Variants in BCAS3 observed in about 807,000 individuals in gnomAD.
BCAS3 encodes BCAS3 microtubule associated cell migration factor, also known as BCAS4/BCAS3 fusion.
BCAS3 carries 53 observed loss-of-function variants against 116.1 expected under a neutral mutation model. That is an observed-to-expected ratio of 0.46 (90% CI 0.37 to 0.57). BCAS3 has a LOEUF of 0.57. Ranked by LOEUF, BCAS3 falls within the 20% of genes least tolerant of loss-of-function variation. The pLI, the probability that BCAS3 is intolerant of heterozygous loss-of-function variation, is 0.00. For missense variants in BCAS3, 917 were observed against 1,165.4 expected, an observed-to-expected ratio of 0.79 and a Z score of 3.10; for synonymous variants, 391 against 408.2, an observed-to-expected ratio of 0.96 and a Z score of 0.51.
intron 22 of BCAS3, among the ~76,000 whole-genome samples, chr17:61,206,925 G>GT (rs537375467): frequency 0.064 from 9,185 of 143,318 alleles, 520 homozygotes; most frequent in African/African-American, 0.15. Context: ...GGTTTTTGGT[G>GT]TTTTTTTTTT....
At chr17:60,929,284 G>T (rs1292529057) in intron 13 of BCAS3, among the ~76,000 whole-genome samples, 1 of 152,062 alleles carries the variant, frequency 6.6e-6, no homozygotes, top group African/African-American at 2.4e-5. Flanking sequence ...AATTACCTGG[G>T]CGTGGTGGCA....
At chr17:60,740,591 G>A (rs943353372) in intron 5 of BCAS3, among the ~76,000 whole-genome samples, 28 of 152,216 alleles carry the variant, frequency 1.8e-4, no homozygotes, top group African/African-American at 5.8e-4. Flanking sequence ...GTAATTGAGT[G>A]GCGGTGTGTG....
chr17:60,697,417 A>C (rs1159673930), intron 4 of BCAS3, among the ~76,000 whole-genome samples: 1 of 151,312 alleles, frequency 6.6e-6, no homozygotes, highest in East Asian at 1.9e-4. Context: ...AAAATAAATA[A>C]ATAAATAACT....
chr17:61,154,115 A>G (rs1448670056), intron 22 of BCAS3, among the ~76,000 whole-genome samples: 2 of 152,124 alleles, frequency 1.3e-5, no homozygotes, highest in African/African-American at 2.4e-5. Flanking sequence ...TTTCCTTTAG[A>G]TATTTGTCGC....
Position 61,161,906 on chromosome 17 carries a change from A to T in BCAS3, c.2425+77342A>T, listed in dbSNP as rs912894536. Among the ~76,000 whole-genome samples, 1 of 152,188 alleles carries T rather than the reference A, an allele frequency of 6.6e-6. No homozygotes were observed. The highest frequency in any genetic ancestry group is 2.4e-5 in the African/African-American group (1 of 41,428). On this transcript the variant is annotated intron_variant, in intron 22 of 23. Transcript: ENST00000407086. The surrounding 1 kb of genome is among the most constrained non-coding windows in gnomAD (Gnocchi z 4.8). ...AGATGAGCAGCACGGATTTGCTGCGATGGTCAGAATTCAATTATATTACTC... is the reference window on the plus strand; with the variant it reads ...AGATGAGCAGCACGGATTTGCTGCGTTGGTCAGAATTCAATTATATTACTC...
At chr17:60,694,177 C>T (rs904795193) in intron 4 of BCAS3, among the ~76,000 whole-genome samples, 166 of 149,644 alleles carry the variant, frequency 1.1e-3, no homozygotes, top group African/African-American at 3.7e-3. Context: ...TGAGCCACCG[C>T]GCCCGGCCAA....
At chr17:61,081,797 A>G (rs1601078564) in intron 21 of BCAS3, among the ~76,000 whole-genome samples, 1 of 152,120 alleles carries the variant, frequency 6.6e-6, no homozygotes, top group African/African-American at 2.4e-5. Flanking sequence ...TGATCACTCT[A>G]GCCCAGCTCC....
chr17:60,683,061 C>T (rs1278717293), intron 2 of BCAS3, among the ~76,000 whole-genome samples: 2 of 152,146 alleles, frequency 1.3e-5, no homozygotes, highest in Non-Finnish European at 2.9e-5. Context: ...CATGCTACTG[C>T]ATCCAGCTTT....
intron 19 of BCAS3, among the ~76,000 whole-genome samples, chr17:61,066,805 T>C (rs1409477460): frequency 1.3e-5 from 2 of 152,144 alleles, no homozygotes; most frequent in African/African-American, 4.8e-5. Context: ...TAAATTTTTC[T>C]AGGAATGGTA....
chr17:61,026,776 A>G lies in BCAS3; in HGVS notation c.1638-7890A>G, dbSNP rs1326016636. The G allele has an allele frequency of 8.3e-7, 1 of 1,204,576 alleles. No individual in the cohort carries two copies. The highest frequency in any genetic ancestry group is 1.2e-6 in the Non-Finnish European group (1 of 838,844). 74.6% of individuals were successfully genotyped at this position (1,204,576 alleles called of 1,614,324 possible). On this transcript the variant is annotated intron_variant, in intron 16 of 23. Transcript: ENST00000407086. The surrounding 1 kb of genome is among the most constrained non-coding windows in gnomAD (Gnocchi z 5.0). ...TAATTTTTTAGTTATTTTTATCCATACTCTATAACAGTATGATATACTTGT... is the reference window on the plus strand; with the variant it reads ...TAATTTTTTAGTTATTTTTATCCATGCTCTATAACAGTATGATATACTTGT...
intron 7 of BCAS3, among the ~76,000 whole-genome samples, chr17:60,809,563 T>C (rs2048602631): frequency 6.6e-6 from 1 of 152,186 alleles, no homozygotes; most frequent in African/African-American, 2.4e-5. Context: ...GACTAGTACC[T>C]TACCTGCTGT....
intron 22 of BCAS3, among the ~76,000 whole-genome samples, chr17:61,304,437 G>A (rs1238080810): frequency 6.6e-6 from 1 of 152,188 alleles, no homozygotes; most frequent in Non-Finnish European, 1.5e-5. Flanking sequence ...CAGATTTCTT[G>A]TAGTTACCCA....
chr17:61,157,041 ACTTT>A (rs1435661893), intron 22 of BCAS3, among the ~76,000 whole-genome samples: 2 of 152,190 alleles, frequency 1.3e-5, no homozygotes, highest in Non-Finnish European at 1.5e-5. Flanking sequence ...AAATCATTGA[ACTTT>A]CTCTTTGCTC....
intron 22 of BCAS3, among the ~76,000 whole-genome samples, chr17:61,311,889 AT>A (rs987573880): frequency 2.2e-5 from 3 of 137,244 alleles, no homozygotes; most frequent in African/African-American, 1.0e-4. Context: ...GCGAGACTCC[AT>A]CTCAAAAAAA....
intron 14 of BCAS3, among the ~76,000 whole-genome samples, chr17:60,972,552 G>A (rs1349966408): frequency 6.7e-6 from 1 of 149,274 alleles, no homozygotes; most frequent in Non-Finnish European, 1.5e-5. Flanking sequence ...GGGCTCAAGA[G>A]ATCCTCCACC....
intron 22 of BCAS3, among the ~76,000 whole-genome samples, chr17:61,340,909 A>G (rs1279536607): frequency 6.6e-6 from 1 of 152,176 alleles, no homozygotes; most frequent in African/African-American, 2.4e-5. Flanking sequence ...GATATATGAG[A>G]TTAGGATTGT....
chr17:60,769,501 T>TCC (rs2044439362), intron 6 of BCAS3, among the ~76,000 whole-genome samples: 1 of 152,198 alleles, frequency 6.6e-6, no homozygotes, highest in African/African-American at 2.4e-5. Flanking sequence ...GACCTAACCC[T>TCC]AGCCCCACCT....
At chr17:60,862,752 C>T (rs1273849826) in intron 7 of BCAS3, among the ~76,000 whole-genome samples, 1 of 152,208 alleles carries the variant, frequency 6.6e-6, no homozygotes, top group Non-Finnish European at 1.5e-5. Flanking sequence ...GCTCCTGCCT[C>T]AGCCTTCCTA....
chr17:61,261,329 TA>T lies in BCAS3; in HGVS notation c.2426-106993del, dbSNP rs1215211837. On this transcript the variant is annotated intron_variant, in intron 22 of 23. Coordinates refer to ENST00000407086, the MANE Select transcript of BCAS3 (RefSeq NM_017679.5). This position sits in a 1 kb window ranked among gnomAD's most constrained non-coding sequence, Gnocchi z 4.4. ...CTTAGCTGGGCGAGGGACAGTTAAG[TA>T]AAAAGAGTTCTGCTTATTCTCTGCT... Among the ~76,000 whole-genome samples, 10 of 152,190 alleles carry T rather than the reference TA, an allele frequency of 6.6e-5. No homozygotes were observed. Among genetic ancestry groups the T allele is most frequent in the Admixed American group, 6.5e-4 (10 of 15,278 alleles).
Sources: allele counts gnomAD v4.1 joint callset (sites outside exome capture counted in the v4.1 genomes callset), GRCh38; gene constraint gnomAD v4.1.1; non-coding constraint Gnocchi (gnomAD v3.1); transcripts MANE v1.5; gene names NCBI Gene and HGNC (gene_info 2026-07-23, HGNC 2026-07-21).